The following CHN2 variants were observed in gnomAD, a reference collection of about 807,000 sequenced individuals.
The protein encoded by CHN2 is chimerin 2.
CHN2 carries 35 observed loss-of-function variants against 56.3 expected under a neutral mutation model. The observed-to-expected ratio is 0.62, with a 90% CI of 0.47 to 0.82. The LOEUF is 0.82. Among genes scored for constraint, CHN2 ranks in the 40% least tolerant of loss-of-function variants. CHN2 has a pLI of 0.00. For synonymous variants in CHN2, 210 were observed against 212.8 expected (o/e 0.99, Z 0.12); for missense variants, 491 against 580.5 (o/e 0.85, Z 1.58).
chr7:29,225,883 G>C lies in CHN2; in HGVS notation c.49+30893G>C, dbSNP rs149899830. 1.5e-3 allele frequency among the ~76,000 whole-genome samples: 233 copies of C among 152,224 alleles called. 1 individual carries two copies. Among genetic ancestry groups the C allele is most frequent in the African/African-American group, 5.3e-3 (218 of 41,518 alleles). ...ATTATTCTGAGACATGTCCTACAAG[G>C]CATGGGATTAGGCGTTTATTAATAA... On this transcript the variant is annotated intron_variant, in intron 1 of 12. Transcript: ENST00000222792.
chr7:29,417,149 G>A (rs990780907), intron 6 of CHN2, among the ~76,000 whole-genome samples: 6 of 152,168 alleles, frequency 3.9e-5, no homozygotes, highest in African/African-American at 1.2e-4. Flanking sequence ...CCTGAGCTGC[G>A]CCTCACTCAG....
At chr7:29,355,772 ATTTTTTTTTTTTTT>A (rs1167339692) in intron 2 of CHN2, among the ~76,000 whole-genome samples, 4 of 52,366 alleles carry the variant, frequency 7.6e-5, no homozygotes, top group African/African-American at 2.3e-4. Context: ...AGATGGGACT[ATTTTTTTTTTTTTT>A]TTTTTTTTTT....
intron 7 of CHN2, among the ~76,000 whole-genome samples, chr7:29,488,882 AATC>A (rs531871263): frequency 1.3e-5 from 2 of 152,214 alleles, no homozygotes; most frequent in Non-Finnish European, 2.9e-5. Context: ...GAGGCTAAGA[AATC>A]ATGATGTATA....
Position 29,512,568 on chromosome 7 carries a change from A to C in CHN2, c.1240A>C (p.Thr414Pro), listed in dbSNP as rs775739796. ...RYLMIHLKKV[T>P]MNEKDNFMNA... ...TTCTATATGTTTGTTTTGCAGGGTT[A>C]CTATGAATGAAAAAGACAATTTCAT... is the stretch of plus-strand genomic sequence containing the variant. Residue 414 changes from threonine to proline, a missense_variant, in exon 13 of 13, where the codon ACT becomes CCT. Coordinates refer to ENST00000222792, the MANE Select transcript of CHN2 (RefSeq NM_004067.4). The C allele has an allele frequency of 6.2e-7, 1 of 1,611,730 alleles. No homozygotes were observed.
chr7:29,508,755 C>G (rs1308464677), intron 11 of CHN2, among the ~76,000 whole-genome samples: 1 of 152,186 alleles, frequency 6.6e-6, no homozygotes. Context: ...ACTTCCTAAC[C>G]TGGGCTGTGC....
At chr7:29,471,529 C>T (rs758578984) in intron 6 of CHN2, among the ~76,000 whole-genome samples, 2 of 152,106 alleles carry the variant, frequency 1.3e-5, no homozygotes, top group African/African-American at 2.4e-5. Context: ...TCCATTTCAG[C>T]GCACATACAG....
intron 2 of CHN2, among the ~76,000 whole-genome samples, chr7:29,182,688 G>A (rs1042549674): frequency 1.3e-5 from 2 of 152,182 alleles, no homozygotes; most frequent in Non-Finnish European, 2.9e-5. Context: ...CCTCAAGATT[G>A]TTAGCATTCA....
chr7:29,354,888 A>G (rs1416513923), intron 2 of CHN2, among the ~76,000 whole-genome samples: 1 of 152,028 alleles, frequency 6.6e-6, no homozygotes, highest in Non-Finnish European at 1.5e-5. Context: ...AAAAATGCTT[A>G]GAAAAGAGGG....
At chr7:29,214,084 G>A (rs1166351142) in intron 1 of CHN2, among the ~76,000 whole-genome samples, 1 of 152,162 alleles carries the variant, frequency 6.6e-6, no homozygotes, top group African/African-American at 2.4e-5. Flanking sequence ...TGCTGCTAAA[G>A]CCCCCTGGTA....
intron 1 of CHN2, among the ~76,000 whole-genome samples, chr7:29,203,510 T>C (rs539029608): frequency 1.4e-5 from 2 of 141,000 alleles, no homozygotes; most frequent in South Asian, 4.6e-4. Context: ...TTAAGCTAAA[T>C]ATAATATATT....
chr7:29,340,158 G>T (rs1211766382), intron 1 of CHN2, among the ~76,000 whole-genome samples: 3 of 152,144 alleles, frequency 2.0e-5, no homozygotes, highest in Non-Finnish European at 4.4e-5. Context: ...AATTGAAGTT[G>T]TTCCATGAAA....
chr7:29,488,388 AC>A (rs1360898306), intron 7 of CHN2, among the ~76,000 whole-genome samples: 7 of 152,194 alleles, frequency 4.6e-5, no homozygotes, highest in Non-Finnish European at 1.0e-4. Context: ...TGTGCTGCTG[AC>A]CTGGGTGACG....
At chr7:29,383,072 C>T (rs1373808151) in intron 3 of CHN2, among the ~76,000 whole-genome samples, 1 of 152,104 alleles carries the variant, frequency 6.6e-6, no homozygotes, top group Non-Finnish European at 1.5e-5. Context: ...CGTATTGAGC[C>T]CTTGGGAAGG....
intron 1 of CHN2, among the ~76,000 whole-genome samples, chr7:29,270,807 A>G (rs245998): frequency 0.1 from 15,533 of 152,150 alleles, 1,065 homozygotes; most frequent in African/African-American, 0.19. Context: ...GGAGAGAGAG[A>G]AAGAGAGAGC....
intron 1 of CHN2, among the ~76,000 whole-genome samples, chr7:29,226,034 T>G (rs1786163285): frequency 6.6e-6 from 1 of 152,174 alleles, no homozygotes; most frequent in Non-Finnish European, 1.5e-5. Context: ...AATTTTGAAT[T>G]TATAACAATT....
At chr7:29,399,662 A>G (rs202240988) in intron 5 of CHN2, among the ~76,000 whole-genome samples, 1 of 152,212 alleles carries the variant, frequency 6.6e-6, no homozygotes, top group East Asian at 1.9e-4. Context: ...AATGGTGTCC[A>G]TGGAAGCCCT....
intron 1 of CHN2, among the ~76,000 whole-genome samples, chr7:29,239,254 G>A (rs1434320610): frequency 6.6e-6 from 1 of 152,150 alleles, no homozygotes; most frequent in Non-Finnish European, 1.5e-5. Context: ...TGACTGTCTG[G>A]ACATGGGGGT....
chr7:29,274,174 T>C lies in CHN2; in HGVS notation c.49+79184T>C, dbSNP rs1229382820. Among the ~76,000 whole-genome samples the C allele has an allele frequency of 3.3e-5, 5 of 152,206 alleles. No individual in the cohort carries two copies. The East Asian group carries it at 5.8e-4, about 18-fold the overall frequency. ...ATCCCCGAGACAAGCTAGAATAAGA[T>C]TGATGTTGAACGTCCTATTGGACAG... On this transcript the variant is annotated intron_variant, in intron 1 of 12. Coordinates refer to ENST00000222792, the MANE Select transcript of CHN2 (RefSeq NM_004067.4).
intron 2 of CHN2, among the ~76,000 whole-genome samples, chr7:29,165,986 A>G (rs1795856536): frequency 1.3e-5 from 2 of 152,122 alleles, no homozygotes; most frequent in South Asian, 2.1e-4. Context: ...TGGTTTTGGT[A>G]TCAAGGTAAT....
Sources: allele counts gnomAD v4.1 joint callset (sites outside exome capture counted in the v4.1 genomes callset), GRCh38; gene constraint gnomAD v4.1.1; transcripts MANE v1.5; gene names NCBI Gene and HGNC (gene_info 2026-07-23, HGNC 2026-07-21).